SYTL5: variants seen among roughly 807,000 people sequenced by gnomAD.
The protein encoded by SYTL5 is synaptotagmin-like protein 5.
Under a neutral mutation model 55.9 loss-of-function variants are expected in SYTL5, and 34 were observed. That is an observed-to-expected ratio of 0.61 (90% CI 0.46 to 0.81). SYTL5 has a LOEUF of 0.81. SYTL5 is among the 30% of genes least tolerant of loss of function. The pLI, the probability that SYTL5 is intolerant of heterozygous loss-of-function variation, is 0.00. For missense variants in SYTL5, 637 were observed against 546.7 expected (o/e 1.17, Z -1.65); for synonymous variants, 221 against 188.7 (o/e 1.17, Z -1.40).
chrX:37,990,963 G>A, the SYTL5 span: 34 of 1,210,135 alleles, frequency 2.8e-5, no homozygotes, highest in Admixed American at 2.6e-4. Context: ...TGAACGAGAC[G>A]TCCAAAGCCA....
At chrX:38,101,671 ATG>A (rs1039863987) in intron 9 of SYTL5, among the ~76,000 whole-genome samples, 3 of 108,525 alleles carry the variant, frequency 2.8e-5, no homozygotes, top group African/African-American at 6.9e-5. Context: ...GTATATATGT[ATG>A]TGTGTGTGTA....
At chrX:37,906,746 C>T in the SYTL5 span, 2 of 112,324 alleles carry the variant, frequency 1.8e-5, no homozygotes, top group Non-Finnish European at 3.8e-5. Context: ...TTCAAAGTAT[C>T]GTATTCCAGG....
At chrX:38,122,585 T>A (rs1312265702) in intron 15 of SYTL5, among the ~76,000 whole-genome samples, 1 of 112,292 alleles carries the variant, frequency 8.9e-6, no homozygotes, top group Non-Finnish European at 1.9e-5. Context: ...CACCAAAATA[T>A]CAGATCCTTG....
At chrX:38,047,716 G>A (rs1602341375) in intron 2 of SYTL5, among the ~76,000 whole-genome samples, 1 of 112,144 alleles carries the variant, frequency 8.9e-6, no homozygotes, top group Admixed American at 9.4e-5. Context: ...GCATCGTCAG[G>A]CTTTTATGCT....
At chrX:37,954,996 T>C in the SYTL5 span, among the ~76,000 whole-genome samples, 1 of 111,136 alleles carries the variant, frequency 9.0e-6, no homozygotes, top group Non-Finnish European at 1.9e-5. Flanking sequence ...TGCAACAAAG[T>C]CTTATCAATA....
intron 1 of SYTL5, among the ~76,000 whole-genome samples, chrX:38,011,955 C>T (rs1390593698): frequency 1.8e-5 from 2 of 111,273 alleles, no homozygotes; most frequent in Non-Finnish European, 3.8e-5. Context: ...TTTTCTTCTT[C>T]ACTGAATAAG....
At chrX:38,087,060 C>A (rs1047588650) in intron 6 of SYTL5, among the ~76,000 whole-genome samples, 2 of 111,169 alleles carry the variant, frequency 1.8e-5, no homozygotes, top group African/African-American at 6.5e-5. Flanking sequence ...CAAGGCTAAT[C>A]CATGATGGGG....
chrX:38,103,030 C>T, intron 10 of SYTL5: 1 of 1,154,440 alleles, frequency 8.7e-7, no homozygotes. Context: ...CTAAAGAGTT[C>T]TCAAGCAGGT....
At chrX:37,955,035 A>G in the SYTL5 span, among the ~76,000 whole-genome samples, 49 of 111,435 alleles carry the variant, frequency 4.4e-4, no homozygotes, top group Non-Finnish European at 8.5e-4. Flanking sequence ...CATACTGTAA[A>G]GAACACTGGA....
chrX:37,980,658 G>A, the SYTL5 span, among the ~76,000 whole-genome samples: 1 of 111,846 alleles, frequency 8.9e-6, no homozygotes, highest in Non-Finnish European at 1.9e-5. Context: ...AGAACACAGG[G>A]TTCCTTCTCC....
intron 9 of SYTL5, among the ~76,000 whole-genome samples, chrX:38,097,580 A>G (rs1316402229): frequency 9.0e-6 from 1 of 110,975 alleles, no homozygotes; most frequent in Non-Finnish European, 1.9e-5. Flanking sequence ...GTAGAAACAT[A>G]TTCTGTGTTA....
At chrX:37,938,594 A>G in the SYTL5 span, among the ~76,000 whole-genome samples, 1 of 111,265 alleles carries the variant, frequency 9.0e-6, no homozygotes, top group Non-Finnish European at 1.9e-5. Flanking sequence ...TCATTGTGTC[A>G]TTTTGTCATA....
chrX:38,095,388 A>G (rs1160413874), intron 8 of SYTL5, among the ~76,000 whole-genome samples: 2 of 111,579 alleles, frequency 1.8e-5, no homozygotes, highest in Non-Finnish European at 3.8e-5. Flanking sequence ...CATCAATTCA[A>G]ACTTAAGTAC....
intron 6 of SYTL5, among the ~76,000 whole-genome samples, chrX:38,086,774 A>G (rs184544682): frequency 1.5e-3 from 168 of 112,185 alleles, no homozygotes; most frequent in African/African-American, 5.2e-3. Flanking sequence ...ATGAGTTGGC[A>G]CACAAATATT....
chrX:37,961,503 G>T, the SYTL5 span, among the ~76,000 whole-genome samples: 2 of 111,175 alleles, frequency 1.8e-5, no homozygotes, highest in African/African-American at 6.5e-5. Flanking sequence ...AAGGATAGCA[G>T]AGGTTGTTGC....
the SYTL5 span, among the ~76,000 whole-genome samples, chrX:37,987,558 C>T: frequency 0.016 from 1,771 of 111,979 alleles, 18 homozygotes; most frequent in Non-Finnish European, 0.023. Flanking sequence ...ACCTCAGTGT[C>T]TGATGCCAGG....
At chrX:37,899,886 G>A in the SYTL5 span, among the ~76,000 whole-genome samples, 1 of 111,375 alleles carries the variant, frequency 9.0e-6, no homozygotes, top group East Asian at 2.8e-4. Flanking sequence ...AATTGAATCA[G>A]ATAATGATTA....
chrX:38,033,444 A>C (rs1935018240), intron 1 of SYTL5, 90 bp from the exon 2 acceptor site: 1 of 112,972 alleles, frequency 8.9e-6, no homozygotes, highest in African/African-American at 3.2e-5. Context: ...GATACAACAA[A>C]ATTTCAAAAA....
chrX:38,037,202 A>G (rs1296557499), intron 2 of SYTL5, among the ~76,000 whole-genome samples: 1 of 112,042 alleles, frequency 8.9e-6, no homozygotes, highest in East Asian at 2.8e-4. Flanking sequence ...TCAAGGCAGA[A>G]CAGACTCTGC....
Sources: gnomAD v4.1 joint callset for allele counts (sites outside exome capture counted in the v4.1 genomes callset) on GRCh38, gnomAD v4.1.1 for gene constraint, MANE v1.5 for transcripts, NCBI Gene and HGNC (gene_info 2026-07-23, HGNC 2026-07-21) for gene names.